The following PCSK6 variants were observed in gnomAD, a reference collection of about 807,000 sequenced individuals.
PCSK6 encodes the protein paired basic amino acid cleaving enzyme 4.
Under a neutral mutation model 123.3 loss-of-function variants are expected in PCSK6, and 85 were observed. The observed-to-expected ratio is 0.69, with a 90% CI of 0.58 to 0.83. The LOEUF is 0.83. PCSK6 is among the 40% of genes least tolerant of loss of function. The pLI, the probability that PCSK6 is intolerant of heterozygous loss-of-function variation, is 0.00. For missense variants in PCSK6, 1,191 were observed against 1,282.3 expected (o/e 0.93, Z 1.09); for synonymous variants, 508 against 516.0 (o/e 0.98, Z 0.21).
rs1035939700 is a variant in PCSK6 at position 101,304,972 on chromosome 15, T to A, written c.*286A>T. ...TCAGTAAACTTATGGTCCCAGAAGC[T>A]GCTCCAAAGCCAGAGCTGTGGATTC... is the stretch of plus-strand genomic sequence containing the variant. On this transcript the variant is annotated 3_prime_UTR_variant, in exon 22 of 22. Transcript: ENST00000611716. The A allele has an allele frequency of 5.0e-6, 2 of 403,934 alleles. No homozygotes were observed. Among genetic ancestry groups the A allele is most frequent in the South Asian group, 8.0e-5 (2 of 24,920 alleles). 25.0% of individuals were successfully genotyped at this position (403,934 alleles called of 1,614,324 possible).
At chr15:101,420,131 C>T (rs377119471) in intron 6 of PCSK6, among the ~76,000 whole-genome samples, 3 of 143,756 alleles carry the variant, frequency 2.1e-5, no homozygotes, top group East Asian at 2.2e-4. Context: ...GTGGAGGTTG[C>T]AGTGAGCTGA....
At chr15:101,378,645 G>T (rs1424436811) in intron 11 of PCSK6, among the ~76,000 whole-genome samples, 1 of 152,112 alleles carries the variant, frequency 6.6e-6, no homozygotes. Flanking sequence ...AGGGGGCCTG[G>T]CTCCTTGATT....
intron 13 of PCSK6, among the ~76,000 whole-genome samples, chr15:101,338,580 G>C (rs1171171087): frequency 6.6e-6 from 1 of 152,238 alleles, no homozygotes. Flanking sequence ...TCAGATTTTA[G>C]AATGTTGACC....
chr15:101,397,274 G>A (rs1330283074), intron 7 of PCSK6, among the ~76,000 whole-genome samples: 1 of 151,984 alleles, frequency 6.6e-6, no homozygotes, highest in Non-Finnish European at 1.5e-5. Flanking sequence ...TCATGAACAT[G>A]GTTTGAAAAC....
chr15:101,316,974 T>A (rs2040007976), intron 19 of PCSK6, among the ~76,000 whole-genome samples: 1 of 148,666 alleles, frequency 6.7e-6, no homozygotes, highest in Non-Finnish European at 1.5e-5. Flanking sequence ...TGTAGGGGTG[T>A]GATCTCAGCT....
rs376312520 is a variant in PCSK6 at position 101,382,132 on chromosome 15, A to G, written c.1492T>C (p.Ser498Pro). ...VEAKKWTAVP[S>P]QHMCVAASDK... ...GAGGCGGCCACACACATGTGCTGCG[A>G]TGGCACTGCTGTCCACTTCTTTGCC... Residue 498 changes from serine to proline, a missense_variant, in exon 11 of 22, where the codon TCG becomes CCG. By Grantham distance (74) the Ser-to-Pro change is moderately conservative. Transcript: ENST00000611716. 30 of 1,612,398 alleles carry G rather than the reference A, an allele frequency of 1.9e-5. No individual in the cohort carries two copies. The highest frequency in any genetic ancestry group is 7.7e-5 in the South Asian group (7 of 90,440).
intron 1 of PCSK6, among the ~76,000 whole-genome samples, chr15:101,480,859 G>C (rs1377567838): frequency 6.6e-6 from 1 of 152,188 alleles, no homozygotes; most frequent in Non-Finnish European, 1.5e-5. Flanking sequence ...ACTCCAAAAA[G>C]CAAACGATTG....
intron 18 of PCSK6, among the ~76,000 whole-genome samples, chr15:101,320,024 G>A (rs2040080710): frequency 6.6e-6 from 1 of 152,122 alleles, no homozygotes; most frequent in Admixed American, 6.6e-5. Flanking sequence ...GTCTTGGGCT[G>A]AGCCCTCAAT....
intron 13 of PCSK6, among the ~76,000 whole-genome samples, chr15:101,351,863 G>A (rs1260615658): frequency 6.6e-6 from 1 of 152,086 alleles, no homozygotes; most frequent in Non-Finnish European, 1.5e-5. Context: ...TGTAAACAGG[G>A]CAGAGTGGGG....
Position 101,461,880 on chromosome 15 carries a change from C to T in PCSK6, c.298-18220G>A, listed in dbSNP as rs1160296494. Among the ~76,000 whole-genome samples, 3 of 152,158 alleles carry T rather than the reference C, an allele frequency of 2.0e-5. No homozygotes were observed. The East Asian group carries it at 5.8e-4, about 29-fold the overall frequency. Reference sequence around the variant, plus strand: ...AAATATCAATCTTAATGTGGAAACCCTGAAAGCACTCCCTTTAAAATCAAG... The same window carrying T: ...AAATATCAATCTTAATGTGGAAACCTTGAAAGCACTCCCTTTAAAATCAAG... On this transcript the variant is annotated intron_variant, in intron 1 of 21. Coordinates refer to ENST00000611716, the MANE Select transcript of PCSK6 (RefSeq NM_002570.5).
intron 15 of PCSK6, among the ~76,000 whole-genome samples, chr15:101,329,816 T>A (rs1022339103): frequency 6.6e-6 from 1 of 152,206 alleles, no homozygotes; most frequent in African/African-American, 2.4e-5. Context: ...ATGCCAGTAA[T>A]GTCCTGGCCT....
At chr15:101,418,514 T>A (rs1307099723) in intron 6 of PCSK6, among the ~76,000 whole-genome samples, 1 of 147,488 alleles carries the variant, frequency 6.8e-6, no homozygotes, top group African/African-American at 2.6e-5. Context: ...AAGTTTCCAA[T>A]TTAGGATTTT....
In PCSK6 at chr15:101,423,537, C is replaced by A. The variant is rs148752191; in HGVS notation, c.823+4355G>T. 6.1e-3 allele frequency among the ~76,000 whole-genome samples: 936 copies of A among 152,238 alleles called. 6 individuals carry two copies. Among genetic ancestry groups the A allele is most frequent in the South Asian group, 0.026 (125 of 4,826 alleles). On this transcript the variant is annotated intron_variant, in intron 6 of 21. Transcript: ENST00000611716. ...TCAGCCACCCAAACTGCTGAGATTA[C>A]AGGTGTGAGCCACCATGCCCAGCCC...
At chr15:101,320,037 G>A (rs2040080986) in intron 18 of PCSK6, among the ~76,000 whole-genome samples, 1 of 152,064 alleles carries the variant, frequency 6.6e-6, no homozygotes, top group African/African-American at 2.4e-5. Context: ...CCCTCAATTT[G>A]TAGGATCTGA....
At chr15:101,386,487 ACT>A (rs2042067477) in intron 9 of PCSK6, among the ~76,000 whole-genome samples, 1 of 151,786 alleles carries the variant, frequency 6.6e-6, no homozygotes, top group African/African-American at 2.4e-5. Flanking sequence ...CCAGACTGAA[ACT>A]CTGTCCCACG....
chr15:101,401,761 T>C (rs919471426), intron 6 of PCSK6, among the ~76,000 whole-genome samples: 1 of 152,216 alleles, frequency 6.6e-6, no homozygotes, highest in Admixed American at 6.5e-5. Flanking sequence ...GTGTGTTTGC[T>C]GCTAGTTTGA....
At chr15:101,408,053 C>A (rs534991700) in intron 6 of PCSK6, among the ~76,000 whole-genome samples, 1 of 152,280 alleles carries the variant, frequency 6.6e-6, no homozygotes, top group East Asian at 1.9e-4. Flanking sequence ...GTGCATGGCC[C>A]AGGCACACAC....
chr15:101,467,376 A>G (rs971385850), intron 1 of PCSK6, among the ~76,000 whole-genome samples: 6 of 151,758 alleles, frequency 4.0e-5, no homozygotes, highest in Non-Finnish European at 7.4e-5. Flanking sequence ...AGTTCAAGCA[A>G]TTCTCCTGCC....
At chr15:101,428,727 A>G (rs1470427360) in intron 5 of PCSK6, among the ~76,000 whole-genome samples, 2 of 152,238 alleles carry the variant, frequency 1.3e-5, no homozygotes, top group South Asian at 2.1e-4. Flanking sequence ...TCATTGATTC[A>G]AATTTAAAGC....
Sources: allele counts gnomAD v4.1 joint callset (sites outside exome capture counted in the v4.1 genomes callset), GRCh38; gene constraint gnomAD v4.1.1; transcripts MANE v1.5; gene names NCBI Gene and HGNC (gene_info 2026-07-23, HGNC 2026-07-21).